COQ2: variants seen among roughly 807,000 people sequenced by gnomAD.
COQ2 encodes coenzyme Q2, polyprenyltransferase, also known as 4-hydroxybenzoate polyprenyltransferase, mitochondrial.
COQ2 carries 25 observed loss-of-function variants against 35.7 expected under a neutral mutation model. That is an observed-to-expected ratio of 0.70 (90% CI 0.51 to 0.98). The LOEUF is 0.98. Ranked by LOEUF, COQ2 falls within the 50% of genes least tolerant of loss-of-function variation. COQ2 has a pLI of 0.00. For synonymous variants in COQ2, 206 were observed against 186.2 expected (o/e 1.11, Z -0.86); for missense variants, 488 against 473.5 (o/e 1.03, Z -0.28).
intron 1 of COQ2, among the ~76,000 whole-genome samples, chr4:83,282,188 G>C (rs943928227): frequency 6.6e-6 from 1 of 152,100 alleles, no homozygotes; most frequent in South Asian, 2.1e-4. Context: ...CATAAACGTG[G>C]TAAAACAAAA....
intron 2 of COQ2, among the ~76,000 whole-genome samples, chr4:83,276,163 T>C (rs984284709): frequency 6.7e-6 from 1 of 150,318 alleles, no homozygotes; most frequent in African/African-American, 2.5e-5. Flanking sequence ...ATCAAGAAAG[T>C]GTGTATCTCA....
upstream of COQ2, chr4:83,284,839 G>A (rs1560497921): frequency 6.4e-7 from 1 of 1,556,350 alleles, no homozygotes; most frequent in Admixed American, 1.9e-5. Context: ...CCCGCAGGAT[G>A]CAATCCTAGT....
chr4:83,269,841 GA>G lies in COQ2; in HGVS notation c.762+18del. ...ACAGCAACAACTAAACCAAAGTTAA[GA>G]AAAGATAATTTCTTTACCTGATGGG... is the stretch of plus-strand genomic sequence containing the variant. On this transcript the variant is annotated intron_variant, in intron 5 of 6. Coordinates refer to ENST00000647002, the MANE Select transcript of COQ2 (RefSeq NM_001358921.2). 2 of 1,522,168 alleles carry G rather than the reference GA, an allele frequency of 1.3e-6. No homozygotes were observed. Among genetic ancestry groups the G allele is most frequent in the Non-Finnish European group, 1.8e-6 (2 of 1,135,828 alleles). 94.3% of individuals were successfully genotyped at this position (1,522,168 alleles called of 1,614,324 possible).
chr4:83,284,767 C>G lies in COQ2; in HGVS notation c.-3G>C. 6.4e-7 allele frequency: 1 copy of G among 1,555,716 alleles called. No individual in the cohort carries two copies. Among genetic ancestry groups the G allele is most frequent in the South Asian group, 1.2e-5 (1 of 84,528 alleles). On this transcript the variant is annotated 5_prime_UTR_variant, in exon 1 of 7. Coordinates refer to ENST00000647002, the MANE Select transcript of COQ2 (RefSeq NM_001358921.2). ...CCCGCGGCTCGCGAGCCCAGCATGG[C>G]GCTGGTGAGGCCGGGACGAGCTCGG...
At chr4:83,272,740 A>G (rs1406377062) in intron 3 of COQ2, among the ~76,000 whole-genome samples, 4 of 152,228 alleles carry the variant, frequency 2.6e-5, no homozygotes. Flanking sequence ...ATTAGAGTCA[A>G]GATATCCCTC....
chr4:83,271,645 T>A (rs536928918), intron 4 of COQ2, among the ~76,000 whole-genome samples: 2 of 152,262 alleles, frequency 1.3e-5, no homozygotes, highest in South Asian at 2.1e-4. Flanking sequence ...AAACCCTGTC[T>A]CTACAAGAAA....
intron 2 of COQ2, among the ~76,000 whole-genome samples, chr4:83,276,993 C>G (rs371781192): frequency 2.1e-5 from 3 of 144,984 alleles, no homozygotes; most frequent in East Asian, 2.1e-4. Flanking sequence ...ACAATGGGTA[C>G]ACAGAGACAT....
chr4:83,284,730 C>A lies in COQ2; in HGVS notation c.35G>T (p.Gly12Val). 6.6e-7 allele frequency: 1 copy of A among 1,520,482 alleles called. No homozygotes were observed. Among genetic ancestry groups the A allele is most frequent in the South Asian group, 1.2e-5 (1 of 81,710 alleles). The allele number at this position is 1,520,482 out of a possible 1,614,324, so 94.2% of individuals were successfully genotyped here. A position where few individuals can be genotyped will look rare whatever the true frequency, so the allele number is the denominator to read the frequency against. The part of the protein sequence containing the change: ...LGSRAAGFAR[G>V]LRAVALAWLP... ...CCACGCCAGTGCCACAGCCCGCAGG[C>A]CCCGCGCGAACCCCGCGGCTCGCGA... Residue 12 changes from glycine (G) to valine (V), a missense_variant, in exon 1 of 7, where the codon GGC becomes GTC. Transcript: ENST00000647002.
At chr4:83,276,444 G>C (rs1735185875) in intron 2 of COQ2, among the ~76,000 whole-genome samples, 1 of 151,908 alleles carries the variant, frequency 6.6e-6, no homozygotes, top group Non-Finnish European at 1.5e-5. Flanking sequence ...TTTCCTTTTG[G>C]GGACTTAGTC....
chr4:83,284,367 G>C, intron 1 of COQ2, 145 bp downstream of exon 1: 1 of 1,406,074 alleles, frequency 7.1e-7, no homozygotes, highest in South Asian at 1.6e-5. Flanking sequence ...ATTCGCCCCA[G>C]GGCGCACGGC....
At chr4:83,283,804 GA>G in intron 1 of COQ2, 1 of 985,440 alleles carries the variant, frequency 1.0e-6, no homozygotes, top group Non-Finnish European at 1.2e-6. Context: ...GTGCTATTAA[GA>G]AAAATTGCGG....
intron 1 of COQ2, 57 bp downstream of exon 1, chr4:83,284,455 G>C (rs1735402068): frequency 5.3e-6 from 8 of 1,514,800 alleles, no homozygotes; most frequent in Non-Finnish European, 7.1e-6. Flanking sequence ...GCTCCGCGGA[G>C]CCGACTCGGA....
At chr4:83,270,174 C>CA (rs1229010064) in intron 4 of COQ2, among the ~76,000 whole-genome samples, 181 bp from the exon 5 acceptor site, 3 of 151,260 alleles carry the variant, frequency 2.0e-5, no homozygotes, top group African/African-American at 4.9e-5. Flanking sequence ...CTCCATTTTA[C>CA]AAAAAACAAA....
At chr4:83,284,923 C>T (rs1439495126), upstream of COQ2, 1 of 1,499,424 alleles carries the variant, frequency 6.7e-7, no homozygotes, top group Non-Finnish European at 8.9e-7. Flanking sequence ...ATCGTGGTCG[C>T]TTACTCTAGG....
At chr4:83,269,427 T>C (rs1463128199) in intron 5 of COQ2, among the ~76,000 whole-genome samples, 1 of 152,150 alleles carries the variant, frequency 6.6e-6, no homozygotes, top group East Asian at 1.9e-4. Flanking sequence ...TTAAAAGCAG[T>C]CTCTGAACAC....
In COQ2 at chr4:83,284,731, C is replaced by T. The variant is rs863223934; in HGVS notation, c.34G>A (p.Gly12Ser). Reference sequence around the variant, plus strand: ...CACGCCAGTGCCACAGCCCGCAGGCCCCGCGCGAACCCCGCGGCTCGCGAG... The same window carrying T: ...CACGCCAGTGCCACAGCCCGCAGGCTCCGCGCGAACCCCGCGGCTCGCGAG... ...LGSRAAGFAR[G>S]LRAVALAWLP... Residue 12 changes from glycine (G) to serine (S), a missense_variant, in exon 1 of 7, where the codon GGC becomes AGC. Gly to Ser is a moderately conservative substitution (Grantham distance 56). Transcript: ENST00000647002. 2.6e-6 allele frequency: 4 copies of T among 1,521,142 alleles called. No individual in the cohort carries two copies. The highest frequency in any genetic ancestry group is 2.6e-6 in the Non-Finnish European group (3 of 1,139,956). The allele number at this position is 1,521,142 out of a possible 1,614,324, so 94.2% of individuals were successfully genotyped here. A position where few individuals can be genotyped will look rare whatever the true frequency, so the allele number is the denominator to read the frequency against.
rs577020305 is a variant in COQ2, at chr4:83,264,510, G to A, written c.952-147C>T. 1.4e-4 allele frequency: 172 copies of A among 1,206,824 alleles called. No individual in the cohort carries two copies. The African/African-American group carries it at 2.3e-3, about 16-fold the overall frequency. 74.8% of individuals were successfully genotyped at this position (1,206,824 alleles called of 1,614,324 possible). A position where few individuals can be genotyped will look rare whatever the true frequency, so the allele number is the denominator to read the frequency against. The stretch of plus-strand genomic sequence containing the variant: ...AAATTAGCTAGGCACGAAGGCACAT[G>A]CCTGTAGTCCCAGCTACTCAAGAGG... On this transcript the variant is annotated intron_variant, in intron 6 of 6. Coordinates refer to ENST00000647002, the MANE Select transcript of COQ2 (RefSeq NM_001358921.2).
intron 2 of COQ2, among the ~76,000 whole-genome samples, chr4:83,275,141 C>CT (rs1264504378): frequency 6.6e-6 from 1 of 152,192 alleles, no homozygotes; most frequent in Non-Finnish European, 1.5e-5. Flanking sequence ...AACATCTCTG[C>CT]TATCTCAGTG....
chr4:83,279,927 C>T (rs1735278587), intron 1 of COQ2, among the ~76,000 whole-genome samples: 2 of 139,548 alleles, frequency 1.4e-5, no homozygotes, highest in Admixed American at 1.6e-4. Flanking sequence ...ATGGCATAAT[C>T]GTAGCTCACT....
Sources: gnomAD v4.1 joint callset for allele counts (sites outside exome capture counted in the v4.1 genomes callset) on GRCh38, gnomAD v4.1.1 for gene constraint, MANE v1.5 for transcripts, NCBI Gene and HGNC (gene_info 2026-07-23, HGNC 2026-07-21) for gene names.